IL4I1: variants seen among roughly 807,000 people sequenced by gnomAD.
The protein encoded by IL4I1 is L-amino-acid oxidase.
IL4I1 carries 24 observed loss-of-function variants against 29.7 expected under a neutral mutation model. The observed-to-expected ratio is 0.81, with a 90% CI of 0.59 to 1.14. The LOEUF is 1.14. Among genes scored for constraint, IL4I1 ranks in the 50% most tolerant of loss-of-function variants. The pLI, the probability that IL4I1 is intolerant of heterozygous loss-of-function variation, is 0.00. For synonymous variants in IL4I1, 371 were observed against 352.5 expected, an observed-to-expected ratio of 1.05 and a Z score of -0.59; for missense variants, 686 against 785.6, an observed-to-expected ratio of 0.87 and a Z score of 1.52.
intron 3 of IL4I1, among the ~76,000 whole-genome samples, chr19:49,903,618 T>C (rs941866269): frequency 3.3e-5 from 5 of 152,160 alleles, no homozygotes; most frequent in African/African-American, 7.2e-5. Flanking sequence ...CCTGACATTT[T>C]TGGGGTTTAC....
chr19:49,925,530 G>A (rs1029442252), intron 2 of IL4I1, among the ~76,000 whole-genome samples: 1 of 151,574 alleles, frequency 6.6e-6, no homozygotes, highest in Non-Finnish European at 1.5e-5. Context: ...CCAAATGGAA[G>A]CACATTCCAT....
upstream of IL4I1, chr19:49,901,767 C>T: frequency 7.3e-7 from 1 of 1,375,974 alleles, no homozygotes; most frequent in Admixed American, 2.4e-5. Context: ...TAGTGGTGCC[C>T]TTGTTAGATC....
chr19:49,890,408 C>T lies in IL4I1; in HGVS notation c.966G>A (p.Ala322=), dbSNP rs765334316. 1.9e-6 allele frequency: 3 copies of T among 1,608,320 alleles called. No homozygotes were observed. Among genetic ancestry groups the T allele is most frequent in the Admixed American group, 1.7e-5 (1 of 59,954 alleles). Residue 322 remains alanine, a synonymous_variant, in exon 8 of 8, where the codon GCG becomes GCA. Coordinates refer to ENST00000391826, the MANE Select transcript of IL4I1 (RefSeq NM_152899.2). The part of the protein sequence containing the change: ...VLKADVVLLT[A]SGPAVKRITF... The stretch of plus-strand genomic sequence containing the variant: ...TGATGCGCTTCACCGCCGGTCCGCT[C>T]GCCGTCAGCAGCACCACGTCGGCCT...
chr19:49,911,429 A>AGAAACACCCAC (rs1192464365), intron 2 of IL4I1: 1 of 152,212 alleles, frequency 6.6e-6, no homozygotes, highest in African/African-American at 2.4e-5. Flanking sequence ...CCTGACCCAG[A>AGAAACACCCAC]GAAACACCCA....
At chr19:49,905,927 A>G (rs768558022) in intron 2 of IL4I1, among the ~76,000 whole-genome samples, 2 of 152,046 alleles carry the variant, frequency 1.3e-5, no homozygotes, top group Non-Finnish European at 2.9e-5. Context: ...ATGACTCATG[A>G]TCATGACTTC....
At chr19:49,925,000 G>A (rs1007461392) in intron 2 of IL4I1, among the ~76,000 whole-genome samples, 4 of 152,166 alleles carry the variant, frequency 2.6e-5, no homozygotes, top group Non-Finnish European at 5.9e-5. Flanking sequence ...GGTGGTTCAC[G>A]CCTGTAATAC....
intron 2 of IL4I1, chr19:49,909,958 C>T (rs886750053): frequency 5.1e-5 from 40 of 786,826 alleles, no homozygotes; most frequent in African/African-American, 1.2e-4. Flanking sequence ...TGGGCACAGT[C>T]GGTTTGGAGG....
intron 2 of IL4I1, among the ~76,000 whole-genome samples, chr19:49,915,171 G>GA (rs2075593173): frequency 6.6e-6 from 1 of 152,090 alleles, no homozygotes; most frequent in Admixed American, 6.5e-5. Flanking sequence ...GGGGTAGACA[G>GA]AAAAACGGCC....
chr19:49,919,616 G>A (rs1301471982), intron 2 of IL4I1, among the ~76,000 whole-genome samples: 3 of 152,080 alleles, frequency 2.0e-5, no homozygotes, highest in Non-Finnish European at 2.9e-5. Flanking sequence ...GTCACCTGAC[G>A]GCTAATTAGC....
chr19:49,927,017 AC>A (rs1435260859), intron 2 of IL4I1, among the ~76,000 whole-genome samples: 8 of 151,576 alleles, frequency 5.3e-5, no homozygotes, highest in African/African-American at 1.9e-4. Context: ...AAACCACCAC[AC>A]CCGACTATTT....
chr19:49,914,492 TCCTG>T (rs1181480476), intron 2 of IL4I1, among the ~76,000 whole-genome samples: 2 of 152,124 alleles, frequency 1.3e-5, no homozygotes, highest in Admixed American at 6.5e-5. Flanking sequence ...TCCCTTCCCT[TCCTG>T]CCTGCCTGCC....
intron 2 of IL4I1, among the ~76,000 whole-genome samples, chr19:49,910,188 A>G (rs1252511900): frequency 6.6e-6 from 1 of 152,106 alleles, no homozygotes; most frequent in Non-Finnish European, 1.5e-5. Flanking sequence ...TGAGGAGATC[A>G]GATTTGAGGC....
rs148649314 is a variant in IL4I1 at position 49,890,516 on chromosome 19, G to A, written c.858C>T (p.Pro286=). The change falls in exon 8 of 8, where the codon CCC becomes CCT. Residue 286 remains proline, a synonymous_variant. Transcript: ENST00000391826. ...GCGGTCCCTGGGTCATCGCCACCAC[G>A]GGCGCGTTCAACAGCACAAGCCCGG... ...SLSGLVLLNA[P]VVAMTQGPHD... The A allele has an allele frequency of 8.1e-4, 1,300 of 1,610,036 alleles. 4 individuals carry two copies. The African/African-American group carries it at 0.015, about 19-fold the overall frequency.
chr19:49,914,751 TTTTTTTG>T (rs2075580968), intron 2 of IL4I1, among the ~76,000 whole-genome samples: 1 of 132,052 alleles, frequency 7.6e-6, no homozygotes, highest in Non-Finnish European at 1.6e-5. Context: ...TTTTTTTTTT[TTTTTTTG>T]AGATGGAGTC....
intron 2 of IL4I1, among the ~76,000 whole-genome samples, chr19:49,926,136 G>C (rs1395267167): frequency 6.6e-6 from 1 of 150,848 alleles, no homozygotes; most frequent in East Asian, 1.9e-4. Flanking sequence ...TTGAACCTGG[G>C]AGGCGGTGGT....
At position 49,890,430 on chromosome 19, in the gene IL4I1, G is replaced by A; in HGVS notation, c.944C>T (p.Ala315Val). The A allele has an allele frequency of 6.2e-7, 1 of 1,610,654 alleles. No individual in the cohort carries two copies. The highest frequency in any genetic ancestry group is 1.1e-5 in the South Asian group (1 of 91,060). The change falls in exon 8 of 8, where the codon GCC becomes GTC. Residue 315 changes from alanine (A) to valine (V), a missense_variant. Physicochemically the swap from Ala to Val is moderately conservative, Grantham distance 64 (BLOSUM62 0). Transcript: ENST00000391826. ...PPARNLKVLKADVVLLTASGP... is the reference protein window; with the variant it reads ...PPARNLKVLKVDVVLLTASGP... ...GCTCGCCGTCAGCAGCACCACGTCG[G>A]CCTTCAGCACCTTCAGATTCCGCGC... is the stretch of plus-strand genomic sequence containing the variant.
At chr19:49,911,094 T>C (rs1174177485) in intron 2 of IL4I1, 1 of 152,280 alleles carries the variant, frequency 6.6e-6, no homozygotes. Context: ...TTTGTGGAAA[T>C]GGGATCTCAC....
At chr19:49,896,339 G>C in intron 1 of IL4I1, among the ~76,000 whole-genome samples, 157 bp from the exon 2 acceptor site, 1 of 151,818 alleles carries the variant, frequency 6.6e-6, no homozygotes, top group Non-Finnish European at 1.5e-5. Context: ...TTCCTTCAGA[G>C]TCCCCTGGAC....
At chr19:49,926,713 A>T (rs2075900137) in intron 2 of IL4I1, among the ~76,000 whole-genome samples, 1 of 152,200 alleles carries the variant, frequency 6.6e-6, no homozygotes, top group Admixed American at 6.5e-5. Flanking sequence ...CTATACAGCA[A>T]TGGAATGAGA....
Sources: allele counts gnomAD v4.1 joint callset (sites outside exome capture counted in the v4.1 genomes callset), GRCh38; gene constraint gnomAD v4.1.1; transcripts MANE v1.5; gene names NCBI Gene and HGNC (gene_info 2026-07-23, HGNC 2026-07-21).